Variants in TCERG1L observed in about 807,000 individuals in gnomAD.
TCERG1L encodes transcription elongation regulator 1 like.
TCERG1L carries 37 observed loss-of-function variants against 56.3 expected under a neutral mutation model. The ratio of observed to expected loss-of-function variants is 0.66; its 90% CI spans 0.51 to 0.87. TCERG1L has a LOEUF of 0.87. Ranked by LOEUF, TCERG1L falls within the 40% of genes least tolerant of loss-of-function variation. TCERG1L has a pLI of 0.00. For missense variants in TCERG1L, 799 were observed against 774.2 expected (o/e 1.03, Z -0.38); for synonymous variants, 324 against 326.3 (o/e 0.99, Z 0.08).
At chr10:131,156,014 A>G (rs763524414) in intron 6 of TCERG1L, 1 of 152,228 alleles carries the variant, frequency 6.6e-6, no homozygotes, top group Non-Finnish European at 1.5e-5. Context: ...CTTCAGCACT[A>G]CTTACTCAAA....
chr10:131,108,603 A>T (rs2133384552), intron 9 of TCERG1L, among the ~76,000 whole-genome samples: 1 of 152,256 alleles, frequency 6.6e-6, no homozygotes, highest in South Asian at 2.1e-4. Context: ...TTCACATCTT[A>T]GTTTCTATCG....
intron 3 of TCERG1L, among the ~76,000 whole-genome samples, chr10:131,278,869 TC>T (rs551060507): frequency 4.0e-4 from 61 of 152,036 alleles, no homozygotes; most frequent in African/African-American, 1.4e-3. Context: ...GGGCCTCGGG[TC>T]CCCTGAAAGT....
rs142480111 is a variant in TCERG1L at position 131,207,561 on chromosome 10, G to A, written c.857-40676C>T. The stretch of plus-strand genomic sequence containing the variant: ...TGTTCTCCCCTGGCTCCAGTTAGCA[G>A]ACCAGAAACAGCTACATCAGGTTTA... On this transcript the variant is annotated intron_variant, in intron 4 of 11. Coordinates refer to ENST00000368642, the MANE Select transcript of TCERG1L (RefSeq NM_174937.4). 5.9e-4 allele frequency among the ~76,000 whole-genome samples: 90 copies of A among 152,372 alleles called. No homozygotes were observed. The Middle Eastern group carries it at 0.01, about 17-fold the overall frequency.
At chr10:131,293,294 A>T (rs1225731220) in intron 3 of TCERG1L, among the ~76,000 whole-genome samples, 1 of 152,160 alleles carries the variant, frequency 6.6e-6, no homozygotes, top group Non-Finnish European at 1.5e-5. Flanking sequence ...GTTTAACATC[A>T]TCATTGTTCC....
chr10:131,110,292 C>G (rs1181923987), intron 9 of TCERG1L, among the ~76,000 whole-genome samples: 1 of 152,186 alleles, frequency 6.6e-6, no homozygotes, highest in Non-Finnish European at 1.5e-5. Flanking sequence ...GTCTCCTAAC[C>G]ACCCTCCTCC....
At chr10:131,247,817 C>T (rs569308804) in intron 4 of TCERG1L, among the ~76,000 whole-genome samples, 9 of 152,302 alleles carry the variant, frequency 5.9e-5, no homozygotes, top group South Asian at 2.1e-4. Context: ...CACCTCTCCC[C>T]TGCCTCCTGC....
At chr10:131,121,269 G>A (rs1845509621) in intron 8 of TCERG1L, among the ~76,000 whole-genome samples, 1 of 152,180 alleles carries the variant, frequency 6.6e-6, no homozygotes, top group Non-Finnish European at 1.5e-5. Context: ...AGGCCTGTCT[G>A]CAGATGTGAT....
chr10:131,283,021 T>G (rs1415173553), intron 3 of TCERG1L, among the ~76,000 whole-genome samples: 1 of 152,238 alleles, frequency 6.6e-6, no homozygotes, highest in Non-Finnish European at 1.5e-5. Flanking sequence ...TTTGAGGGTA[T>G]ATAATTTGAG....
chr10:131,182,177 T>C (rs1845187268), intron 4 of TCERG1L, among the ~76,000 whole-genome samples: 1 of 152,190 alleles, frequency 6.6e-6, no homozygotes, highest in South Asian at 2.1e-4. Flanking sequence ...AATATGCAGG[T>C]CCCTTTAGAA....
chr10:131,104,580 C>T (rs1273095222), intron 9 of TCERG1L, among the ~76,000 whole-genome samples: 2 of 152,198 alleles, frequency 1.3e-5, no homozygotes, highest in South Asian at 4.1e-4. Context: ...CTATTTCTTT[C>T]TTGGGTATCT....
intron 4 of TCERG1L, among the ~76,000 whole-genome samples, chr10:131,180,838 A>AAAAG (rs765439703): frequency 1.0e-4 from 5 of 49,728 alleles, no homozygotes; most frequent in Non-Finnish European, 3.3e-4. Context: ...ACGTTTTTGT[A>AAAAG]AAAAAAAAGG....
At chr10:131,201,320 G>A (rs140714946) in intron 4 of TCERG1L, among the ~76,000 whole-genome samples, 126 of 152,300 alleles carry the variant, frequency 8.3e-4, no homozygotes, top group African/African-American at 2.7e-3. Flanking sequence ...CCACAAGGCA[G>A]GGACAGCGAC....
intron 4 of TCERG1L, among the ~76,000 whole-genome samples, chr10:131,194,157 T>A (rs1391613563): frequency 2.0e-5 from 3 of 152,258 alleles, no homozygotes; most frequent in African/African-American, 7.2e-5. Flanking sequence ...CGTGTCTTCA[T>A]AAAGGTTCGC....
At position 131,242,976 on chromosome 10, in the gene TCERG1L, G is replaced by A. The variant is rs143354124; in HGVS notation, c.856+17283C>T. Among the ~76,000 whole-genome samples the A allele has an allele frequency of 3.0e-3, 451 of 152,246 alleles. 5 individuals are homozygous for A. The highest frequency in any genetic ancestry group is 0.017 in the Admixed American group (255 of 15,294). ...AAGAAATAGGGACGTCAATCTCCAC[G>A]TGTTATAAAAAAGAAGGTCACCATT... is the stretch of plus-strand genomic sequence containing the variant. On this transcript the variant is annotated intron_variant, in intron 4 of 11. Coordinates refer to ENST00000368642, the MANE Select transcript of TCERG1L (RefSeq NM_174937.4).
intron 8 of TCERG1L, among the ~76,000 whole-genome samples, chr10:131,127,938 T>A (rs532319059): frequency 6.6e-6 from 1 of 152,226 alleles, no homozygotes; most frequent in African/African-American, 2.4e-5. Flanking sequence ...CACCCCCAGG[T>A]GGCAGAGGAA....
intron 6 of TCERG1L, among the ~76,000 whole-genome samples, chr10:131,150,663 T>C (rs1312542272): frequency 6.6e-6 from 1 of 152,204 alleles, no homozygotes; most frequent in Non-Finnish European, 1.5e-5. Flanking sequence ...AGAGCTCTGT[T>C]CTGCCCACTG....
At chr10:131,251,924 A>G (rs1227305950) in intron 4 of TCERG1L, among the ~76,000 whole-genome samples, 1 of 152,154 alleles carries the variant, frequency 6.6e-6, no homozygotes, top group East Asian at 1.9e-4. Flanking sequence ...GTCCTGGTTC[A>G]ACAATGACTT....
intron 4 of TCERG1L, among the ~76,000 whole-genome samples, chr10:131,205,151 G>A (rs760259995): frequency 6.6e-6 from 1 of 152,128 alleles, no homozygotes; most frequent in African/African-American, 2.4e-5. Flanking sequence ...TGACTGACAA[G>A]TGGTCCCCTT....
chr10:131,216,103 C>T (rs192472406), intron 4 of TCERG1L, among the ~76,000 whole-genome samples: 4 of 152,260 alleles, frequency 2.6e-5, no homozygotes, highest in South Asian at 2.1e-4. Flanking sequence ...GGAAGATAAT[C>T]GATTAAATAA....
Sources: gnomAD v4.1 joint callset for allele counts (sites outside exome capture counted in the v4.1 genomes callset) on GRCh38, gnomAD v4.1.1 for gene constraint, MANE v1.5 for transcripts, NCBI Gene and HGNC (gene_info 2026-07-23, HGNC 2026-07-21) for gene names.